Variants in PTRH1 observed in about 807,000 individuals in gnomAD.
PTRH1 encodes the protein peptidyl-tRNA hydrolase.
A neutral mutation model predicts 15.7 loss-of-function variants in PTRH1; 13 were observed. The ratio of observed to expected loss-of-function variants is 0.83; its 90% CI spans 0.54 to 1.31. PTRH1 has a LOEUF of 1.31. PTRH1 is among the 40% of genes most tolerant of loss of function. PTRH1 has a pLI of 0.00. For synonymous variants in PTRH1, 139 were observed against 136.7 expected (o/e 1.02, Z -0.12); for missense variants, 319 against 296.2 (o/e 1.08, Z -0.56).
At position 127,694,691 on chromosome 9, in the gene PTRH1, C is replaced by T. The variant is rs75897009; in HGVS notation, c.420+236G>A. ...GCCCCCAGCAGTCTCTGCTGAGTCCCGCAGCCTGGACCAGGGCCTCTGGAA... is the reference window on the plus strand; with the variant it reads ...GCCCCCAGCAGTCTCTGCTGAGTCCTGCAGCCTGGACCAGGGCCTCTGGAA... On this transcript the variant is annotated intron_variant, in intron 2 of 2. Coordinates refer to the PTRH1 transcript ENST00000335223. 2.3e-3 allele frequency among the ~76,000 whole-genome samples: 356 copies of T among 152,224 alleles called. 3 individuals are homozygous for T. The highest frequency in any genetic ancestry group is 3.1e-3 in the Non-Finnish European group (211 of 68,020).
chr9:127,703,524 CTGAT>C (rs1255715018), intron 1 of PTRH1, among the ~76,000 whole-genome samples: 8 of 152,094 alleles, frequency 5.3e-5, no homozygotes, highest in Non-Finnish European at 7.4e-5. Context: ...GCTATTTAAA[CTGAT>C]TGGTTGTAAT....
At position 127,701,201 on chromosome 9, in the gene PTRH1, G is replaced by A. The variant is rs1042287527; in HGVS notation, c.206-6060C>T. ...TGGCTGGAGGCACGCTTCCTAGCCT[G>A]TGGGATGACCACCTTGCAGGCTGTA... On this transcript the variant is annotated intron_variant, in intron 1 of 2. Transcript: ENST00000335223. Among the ~76,000 whole-genome samples the A allele has an allele frequency of 3.3e-5, 5 of 152,158 alleles. No homozygotes were observed. In the East Asian group the frequency reaches 9.6e-4, roughly 29 times the overall value.
intron 1 of PTRH1, among the ~76,000 whole-genome samples, chr9:127,696,703 TA>T (rs951583778): frequency 4.6e-5 from 7 of 151,312 alleles, no homozygotes; most frequent in African/African-American, 9.7e-5. Context: ...CTACTAAAAA[TA>T]AAAAAAAATT....
chr9:127,703,281 A>T (rs946397252), intron 1 of PTRH1, among the ~76,000 whole-genome samples: 1 of 151,816 alleles, frequency 6.6e-6, no homozygotes, highest in Non-Finnish European at 1.5e-5. Context: ...CCTCATCTCT[A>T]CTAAAAATAC....
At chr9:127,699,779 A>C (rs1041656499) in intron 1 of PTRH1, among the ~76,000 whole-genome samples, 2 of 151,930 alleles carry the variant, frequency 1.3e-5, no homozygotes, top group Non-Finnish European at 2.9e-5. Flanking sequence ...TCTTCCTAGG[A>C]GAACAGGCAC....
downstream of PTRH1, chr9:127,712,306 C>T (rs777514046): frequency 2.3e-5 from 37 of 1,613,900 alleles, no homozygotes; most frequent in Non-Finnish European, 2.7e-5. Context: ...AGCCTGGAGG[C>T]GGCTCTGGTC....
In PTRH1 at chr9:127,714,386, T is replaced by G. The variant is rs748323582; in HGVS notation, c.455A>C (p.Asn152Thr). The change falls in exon 4 of 5, where the codon AAC becomes ACC. Residue 152 changes from asparagine (N) to threonine (T), a missense_variant. Transcript: ENST00000543175. ...ACAAAAGGGTAGACTCACATTGGAG[T>G]TGAGGCAGCTAATGCAGGAACGGAC... Reference protein sequence around the residue: ...NGVRSCISCLNSNAMPRLRVG... With the variant: ...NGVRSCISCLTSNAMPRLRVG... The G allele has an allele frequency of 3.7e-6, 6 of 1,613,784 alleles. No individual in the cohort carries two copies. Among genetic ancestry groups the G allele is most frequent in the Non-Finnish European group, 5.1e-6 (6 of 1,179,960 alleles).
chr9:127,698,932 G>A (rs1304720008), intron 1 of PTRH1, among the ~76,000 whole-genome samples: 1 of 144,602 alleles, frequency 6.9e-6, no homozygotes, highest in Non-Finnish European at 1.5e-5. Flanking sequence ...TTTTTGAGAC[G>A]GAGTCTCGCC....
At chr9:127,694,347 A>C (rs1428464871) in intron 2 of PTRH1, among the ~76,000 whole-genome samples, 2 of 152,212 alleles carry the variant, frequency 1.3e-5, no homozygotes, top group Admixed American at 6.5e-5. Context: ...AAGCAAAAGC[A>C]GCACTGTTTG....
downstream of PTRH1, among the ~76,000 whole-genome samples, chr9:127,711,038 T>C (rs949306546): frequency 3.9e-5 from 6 of 152,264 alleles, no homozygotes; most frequent in Admixed American, 2.6e-4. Context: ...TGGGAGTACA[T>C]TGAAATGGTA....
downstream of PTRH1, chr9:127,713,037 T>C: frequency 6.2e-7 from 1 of 1,613,568 alleles, no homozygotes; most frequent in South Asian, 1.1e-5. Context: ...AGCATCCAGC[T>C]GCCCAGGACT....
downstream of PTRH1, chr9:127,711,143 A>T (rs1419319587): frequency 6.6e-7 from 1 of 1,507,040 alleles, no homozygotes; most frequent in Non-Finnish European, 9.0e-7. Flanking sequence ...TAACAGCCCT[A>T]GGTGCTCTGG....
At chr9:127,708,414 T>G (rs1402150372) in intron 1 of PTRH1, among the ~76,000 whole-genome samples, 1 of 152,050 alleles carries the variant, frequency 6.6e-6, no homozygotes, top group South Asian at 2.1e-4. Context: ...GAGGCAGAGG[T>G]TGCAGAGAGC....
chr9:127,694,902 A>G (rs1288223494), intron 2 of PTRH1: 2 of 686,328 alleles, frequency 2.9e-6, no homozygotes, highest in African/African-American at 1.8e-5. Context: ...AGTGGTTAGG[A>G]GCACAGACTT....
downstream of PTRH1, chr9:127,712,063 C>A (rs1842778410): frequency 1.3e-6 from 2 of 1,500,600 alleles, no homozygotes; most frequent in Non-Finnish European, 9.0e-7. Flanking sequence ...CTAGAGGAGC[C>A]TGCCAGACAG....
chr9:127,710,752 C>G (rs1842747024), downstream of PTRH1: 7 of 1,563,634 alleles, frequency 4.5e-6, no homozygotes, highest in Non-Finnish European at 6.1e-6. Context: ...TGGACAAGGA[C>G]AGGTGGGCAA....
intron 1 of PTRH1, chr9:127,695,349 G>C (rs1308006983): frequency 1.8e-6 from 1 of 543,096 alleles, no homozygotes; most frequent in Non-Finnish European, 3.2e-6. Flanking sequence ...AGACAGGATA[G>C]TGCATTTATA....
chr9:127,698,150 C>T (rs1239175836), intron 1 of PTRH1, among the ~76,000 whole-genome samples: 1 of 152,142 alleles, frequency 6.6e-6, no homozygotes, highest in Non-Finnish European at 1.5e-5. Context: ...GTCCTAACTA[C>T]TTGGGAGGCT....
chr9:127,707,208 G>A (rs1842666746), intron 1 of PTRH1: 4 of 1,606,616 alleles, frequency 2.5e-6, no homozygotes, highest in Non-Finnish European at 3.4e-6. Flanking sequence ...TGGGCTGGCG[G>A]GCAGGAGTCT....
Sources: gnomAD v4.1 joint callset for allele counts (sites outside exome capture counted in the v4.1 genomes callset) on GRCh38, gnomAD v4.1.1 for gene constraint, MANE v1.5 for transcripts, NCBI Gene and HGNC (gene_info 2026-07-23, HGNC 2026-07-21) for gene names.